Variants in CLSTN2 observed in about 807,000 individuals in gnomAD.
CLSTN2 encodes calsyntenin 2.
A neutral mutation model predicts 101.2 loss-of-function variants in CLSTN2; 48 were observed. The ratio of observed to expected loss-of-function variants is 0.47; its 90% CI spans 0.38 to 0.60. The LOEUF (loss-of-function observed/expected upper bound fraction) is 0.60, where lower values mean the gene tolerates loss of function less well. Among genes scored for constraint, CLSTN2 ranks in the 20% least tolerant of loss-of-function variants. The pLI is 0.00. For synonymous variants in CLSTN2, 481 were observed against 463.6 expected (o/e 1.04, Z -0.48); for missense variants, 1,160 against 1,238.2 (o/e 0.94, Z 0.95).
chr3:140,022,028 T>C (rs1418329338), intron 1 of CLSTN2, among the ~76,000 whole-genome samples: 1 of 152,192 alleles, frequency 6.6e-6, no homozygotes, highest in African/African-American at 2.4e-5. Flanking sequence ...GGCCAGGCTG[T>C]TTTGATGAAA....
intron 8 of CLSTN2, among the ~76,000 whole-genome samples, chr3:140,513,587 T>C (rs1420434518): frequency 2.1e-5 from 3 of 144,742 alleles, no homozygotes; most frequent in African/African-American, 2.6e-5. Flanking sequence ...TTCTTTCTTT[T>C]TTTTTTTTTT....
Position 140,562,927 on chromosome 3 carries a change from C to T in CLSTN2, c.2329C>T (p.Arg777Cys), listed in dbSNP as rs112029581. The T allele has an allele frequency of 1.1e-4, 176 of 1,614,124 alleles. No homozygotes were observed. The African/African-American group carries it at 1.6e-3, about 15-fold the overall frequency. Residue 777 changes from arginine to cysteine, a missense_variant, in exon 14 of 17, where the codon CGC (arginine) becomes TGC (cysteine). Arg to Cys is a radical substitution (Grantham distance 180). Coordinates refer to ENST00000458420, the MANE Select transcript of CLSTN2 (RefSeq NM_022131.3). ...FRIKCSELNGRYTSNEFNLEV... is the reference protein window; with the variant it reads ...FRIKCSELNGCYTSNEFNLEV... ...GATTAAGTGCTCAGAACTCAATGGGCGCTACACTAGCAATGAGTTCAACTT... is the reference window on the plus strand; with the variant it reads ...GATTAAGTGCTCAGAACTCAATGGGTGCTACACTAGCAATGAGTTCAACTT...
chr3:140,150,949 T>A (rs2009855072), intron 1 of CLSTN2, among the ~76,000 whole-genome samples: 1 of 151,922 alleles, frequency 6.6e-6, no homozygotes, highest in African/African-American at 2.4e-5. Context: ...TTGATCTAAT[T>A]TTATATGGCA....
chr3:140,549,605 C>G (rs575045603), intron 10 of CLSTN2, among the ~76,000 whole-genome samples: 21 of 150,724 alleles, frequency 1.4e-4, no homozygotes, highest in African/African-American at 5.2e-4. Flanking sequence ...ACTAAGGGGA[C>G]TGGGGCTCAG....
intron 1 of CLSTN2, among the ~76,000 whole-genome samples, chr3:140,145,920 G>A (rs896360634): frequency 6.6e-6 from 1 of 152,212 alleles, no homozygotes; most frequent in African/African-American, 2.4e-5. Context: ...GAGACTGCCT[G>A]GCCTCTGTGA....
chr3:140,556,463 A>C (rs1402734073), intron 10 of CLSTN2, 50 bp from the exon 11 acceptor site: 1 of 1,600,564 alleles, frequency 6.2e-7, no homozygotes, highest in South Asian at 1.1e-5. Flanking sequence ...CCATAAAACC[A>C]TGTACATCAC....
intron 7 of CLSTN2, among the ~76,000 whole-genome samples, chr3:140,466,319 T>A (rs116217361): frequency 0.024 from 3,691 of 152,316 alleles, 164 homozygotes; most frequent in African/African-American, 0.083. Context: ...AAGTAATTTG[T>A]ACCCTGGGAC....
chr3:140,543,595 T>C (rs1053201003), intron 9 of CLSTN2, among the ~76,000 whole-genome samples: 10 of 152,174 alleles, frequency 6.6e-5, no homozygotes, highest in African/African-American at 2.4e-4. Context: ...GCAGGGCAGC[T>C]CAGGCTCTGC....
chr3:140,460,691 A>T (rs934791650), intron 7 of CLSTN2, among the ~76,000 whole-genome samples: 1 of 152,192 alleles, frequency 6.6e-6, no homozygotes, highest in Admixed American at 6.5e-5. Flanking sequence ...TTGTCACTAC[A>T]CCCACCCATC....
intron 1 of CLSTN2, among the ~76,000 whole-genome samples, chr3:139,970,351 A>G (rs1197842158): frequency 2.0e-5 from 3 of 152,120 alleles, no homozygotes; most frequent in Non-Finnish European, 1.5e-5. Context: ...CTGCCAATAG[A>G]TGGTGGTCAT....
intron 8 of CLSTN2, among the ~76,000 whole-genome samples, chr3:140,474,471 G>A (rs1933932352): frequency 6.6e-6 from 1 of 152,054 alleles, no homozygotes; most frequent in Non-Finnish European, 1.5e-5. Context: ...TTTTTCTCTA[G>A]TCACATTTTT....
At chr3:140,129,512 G>A (rs1213612222) in intron 1 of CLSTN2, among the ~76,000 whole-genome samples, 1 of 152,200 alleles carries the variant, frequency 6.6e-6, no homozygotes, top group African/African-American at 2.4e-5. Context: ...GGGAAGTGGT[G>A]TAGAATCAAC....
At position 140,213,633 on chromosome 3, in the gene CLSTN2, C is replaced by T. The variant is rs572732122; in HGVS notation, c.232+37560C>T. Among the ~76,000 whole-genome samples, 7 of 152,336 alleles carry T rather than the reference C, an allele frequency of 4.6e-5. No individual in the cohort carries two copies. The East Asian group carries it at 5.8e-4, about 13-fold the overall frequency. On this transcript the variant is annotated intron_variant, in intron 2 of 16. Transcript: ENST00000458420. Reference sequence around the variant, plus strand: ...TAGCAATTGGTGGACAGGGTCCCCTCCTCTGTGCTACATTTAGGAGGATGC... The same window carrying T: ...TAGCAATTGGTGGACAGGGTCCCCTTCTCTGTGCTACATTTAGGAGGATGC...
intron 1 of CLSTN2, among the ~76,000 whole-genome samples, chr3:139,967,913 G>C (rs1379430869): frequency 6.6e-6 from 1 of 152,130 alleles, no homozygotes; most frequent in Non-Finnish European, 1.5e-5. Flanking sequence ...AGTTCTGTTG[G>C]AATGAAGGGA....
At chr3:140,056,055 G>A (rs2008090578) in intron 1 of CLSTN2, among the ~76,000 whole-genome samples, 1 of 152,212 alleles carries the variant, frequency 6.6e-6, no homozygotes, top group Non-Finnish European at 1.5e-5. Context: ...AAGGATGGGA[G>A]AGGGGGCCTA....
At chr3:140,246,753 G>A (rs2086521579) in intron 2 of CLSTN2, among the ~76,000 whole-genome samples, 1 of 152,104 alleles carries the variant, frequency 6.6e-6, no homozygotes, top group African/African-American at 2.4e-5. Context: ...AGGAAGGCAG[G>A]GGGTGTGTCT....
intron 2 of CLSTN2, among the ~76,000 whole-genome samples, chr3:140,229,380 T>A (rs189854242): frequency 6.6e-6 from 1 of 152,270 alleles, no homozygotes; most frequent in East Asian, 1.9e-4. Flanking sequence ...TTCCACTCAC[T>A]GTCTGTGTTC....
At chr3:140,116,946 A>G (rs1250576841) in intron 1 of CLSTN2, among the ~76,000 whole-genome samples, 1 of 152,030 alleles carries the variant, frequency 6.6e-6, no homozygotes, top group Non-Finnish European at 1.5e-5. Context: ...ACCTTTTTTG[A>G]CATCAGTGTA....
intron 1 of CLSTN2, among the ~76,000 whole-genome samples, chr3:139,942,641 G>A (rs1404914094): frequency 2.6e-5 from 4 of 152,192 alleles, no homozygotes; most frequent in East Asian, 1.9e-4. Context: ...CCACTCTCAC[G>A]GCAGGATTTT....
Sources: gnomAD v4.1 joint callset for allele counts (sites outside exome capture counted in the v4.1 genomes callset) on GRCh38, gnomAD v4.1.1 for gene constraint, MANE v1.5 for transcripts, NCBI Gene and HGNC (gene_info 2026-07-23, HGNC 2026-07-21) for gene names.